Variants in ANTXR2 observed in about 807,000 individuals in gnomAD.
ANTXR2 encodes ANTXR cell adhesion molecule 2.
In ANTXR2, 44 loss-of-function variants were observed where a neutral mutation model predicts 73.7. The ratio of observed to expected loss-of-function variants is 0.60; its 90% CI spans 0.47 to 0.77. The LOEUF (loss-of-function observed/expected upper bound fraction) is 0.77. Among genes scored for constraint, ANTXR2 ranks in the 30% least tolerant of loss-of-function variants. The probability of loss-of-function intolerance (pLI) is 0.00; values close to 1 mark genes in which losing one functional copy is unlikely to be tolerated. For missense variants in ANTXR2, 604 were observed against 592.5 expected (o/e 1.02, Z -0.20); for synonymous variants, 217 against 205.9 (o/e 1.05, Z -0.46).
chr4:79,967,109 A>G lies in ANTXR2; in HGVS notation c.1428+10512T>C, dbSNP rs1729402633. Among the ~76,000 whole-genome samples the G allele has an allele frequency of 2.8e-5, 2 of 70,608 alleles. 1 individual carries two copies. Among genetic ancestry groups the G allele is most frequent in the Non-Finnish European group, 6.7e-5 (2 of 29,646 alleles). The allele number at this position is 70,608 out of a possible 152,430, so 46.3% of individuals were successfully genotyped here. ...GGGCGAGGAATTGCCTCACCTGGGA[A>G]GCGCAAGGGGTCAGGGAGTTCCCTT... is the stretch of plus-strand genomic sequence containing the variant. On this transcript the variant is annotated intron_variant, in intron 16 of 16. Coordinates refer to ENST00000403729, the MANE Select transcript of ANTXR2 (RefSeq NM_058172.6).
chr4:80,072,701 G>A lies in ANTXR2; in HGVS notation c.-141C>T, dbSNP rs1734871496. The stretch of plus-strand genomic sequence containing the variant: ...TGAGACGCCGGCGCCTGCGGCAGCG[G>A]GACCCACCAGCTGACAGGGAGGGAG... On this transcript the variant is annotated 5_prime_UTR_variant, in exon 1 of 17. Coordinates refer to ENST00000403729, the MANE Select transcript of ANTXR2 (RefSeq NM_058172.6). 2 of 1,344,194 alleles carry A rather than the reference G, an allele frequency of 1.5e-6. No individual in the cohort carries two copies. The highest frequency in any genetic ancestry group is 1.9e-6 in the Non-Finnish European group (2 of 1,052,776). The allele number at this position is 1,344,194 out of a possible 1,614,324, so 83.3% of individuals were successfully genotyped here.
At chr4:79,955,388 AT>A (rs1172843152) in intron 16 of ANTXR2, among the ~76,000 whole-genome samples, 9 of 152,068 alleles carry the variant, frequency 5.9e-5, no homozygotes, top group Non-Finnish European at 1.0e-4. Flanking sequence ...AATATATGCC[AT>A]TTTTTTAGTC....
Position 80,049,630 on chromosome 4 carries a change from T to A in ANTXR2, c.636+4642A>T, listed in dbSNP as rs532829770. Among the ~76,000 whole-genome samples, 8 of 151,822 alleles carry A rather than the reference T, an allele frequency of 5.3e-5. No individual in the cohort carries two copies. The South Asian group carries it at 1.7e-3, about 31-fold the overall frequency. The stretch of plus-strand genomic sequence containing the variant: ...CAAATCAACTTCCCCCTCTGCCCTA[T>A]GCCTTCTTCCATTTTGTACAATAAC... On this transcript the variant is annotated intron_variant, in intron 7 of 16. Transcript: ENST00000403729.
chr4:79,989,531 A>G (rs1021188054), intron 12 of ANTXR2, among the ~76,000 whole-genome samples: 3 of 152,130 alleles, frequency 2.0e-5, no homozygotes, highest in Non-Finnish European at 4.4e-5. Context: ...AGACAGATTC[A>G]TGGCTGAATT....
chr4:79,965,648 AAAATT>A (rs1206475025), intron 16 of ANTXR2, among the ~76,000 whole-genome samples: 1 of 152,208 alleles, frequency 6.6e-6, no homozygotes, highest in African/African-American at 2.4e-5. Flanking sequence ...ACAGGAAAAT[AAAATT>A]ATTTGCAAGA....
chr4:79,952,876 G>T (rs1014953363), intron 16 of ANTXR2, among the ~76,000 whole-genome samples: 1 of 151,620 alleles, frequency 6.6e-6, no homozygotes, highest in Admixed American at 6.6e-5. Context: ...TGATGCCCTA[G>T]GAATAAAGGA....
At chr4:80,002,420 T>C (rs1270004749) in intron 12 of ANTXR2, among the ~76,000 whole-genome samples, 1 of 152,066 alleles carries the variant, frequency 6.6e-6, no homozygotes, top group Non-Finnish European at 1.5e-5. Context: ...CAAGATGAAA[T>C]AAAGACTTAA....
chr4:80,005,299 T>G (rs1364506053), intron 12 of ANTXR2, among the ~76,000 whole-genome samples: 1 of 152,124 alleles, frequency 6.6e-6, no homozygotes, highest in East Asian at 1.9e-4. Flanking sequence ...AGATTAGATT[T>G]AAATATTTGC....
At chr4:80,047,330 G>A (rs113101638) in intron 7 of ANTXR2, among the ~76,000 whole-genome samples, 15 of 151,810 alleles carry the variant, frequency 9.9e-5, no homozygotes, top group African/African-American at 3.6e-4. Context: ...AACTTTCTAT[G>A]TTTATTATCA....
chr4:79,910,232 C>T (rs546066507), intron 16 of ANTXR2, among the ~76,000 whole-genome samples: 28 of 152,036 alleles, frequency 1.8e-4, no homozygotes, highest in Non-Finnish European at 2.9e-4. Flanking sequence ...TATTGTTGGC[C>T]GGGTGTGGTG....
chr4:80,051,463 A>AT (rs1181171169), intron 7 of ANTXR2, among the ~76,000 whole-genome samples: 10 of 151,746 alleles, frequency 6.6e-5, no homozygotes, highest in Non-Finnish European at 1.2e-4. Context: ...GAGGAAAAAA[A>AT]GGAGAAAAAG....
At position 80,028,697 on chromosome 4, in the gene ANTXR2, AC is replaced by A; in HGVS notation, c.866+2925del. On this transcript the variant is annotated intron_variant, in intron 10 of 16. Transcript: ENST00000403729. Reference sequence around the variant, plus strand: ...TATCTGAAACATAGACTAACTAGCTACTTAATGGGTTTGAATCCTTAGCCAA... The same window carrying A: ...TATCTGAAACATAGACTAACTAGCTATTAATGGGTTTGAATCCTTAGCCAA... Among the ~76,000 whole-genome samples the A allele has an allele frequency of 1.3e-5, 2 of 152,180 alleles. 1 individual carries two copies. The highest frequency in any genetic ancestry group is 4.1e-4 in the South Asian group (2 of 4,836).
chr4:80,066,011 C>T (rs896328932), intron 3 of ANTXR2, among the ~76,000 whole-genome samples: 7 of 152,106 alleles, frequency 4.6e-5, no homozygotes, highest in African/African-American at 1.7e-4. Context: ...CATTTGTTTA[C>T]TGATCTGCAT....
At chr4:80,064,183 T>G (rs1187314128) in intron 3 of ANTXR2, among the ~76,000 whole-genome samples, 2 of 152,222 alleles carry the variant, frequency 1.3e-5, no homozygotes, top group African/African-American at 4.8e-5. Flanking sequence ...CGGAAGATTT[T>G]TTTCCCCAAG....
intron 16 of ANTXR2, among the ~76,000 whole-genome samples, chr4:79,922,369 A>G (rs1727625109): frequency 6.6e-6 from 1 of 152,088 alleles, no homozygotes; most frequent in Admixed American, 6.6e-5. Flanking sequence ...ACACACATCA[A>G]TTTTGTCCTT....
chr4:80,039,187 C>T (rs1279907096), intron 7 of ANTXR2, among the ~76,000 whole-genome samples: 1 of 152,002 alleles, frequency 6.6e-6, no homozygotes, highest in Non-Finnish European at 1.5e-5. Flanking sequence ...TAATTTGAAA[C>T]AAACTTCACC....
At chr4:79,915,833 T>C (rs1421341809) in intron 16 of ANTXR2, among the ~76,000 whole-genome samples, 5 of 54,490 alleles carry the variant, frequency 9.2e-5, no homozygotes, top group African/African-American at 4.0e-4. Flanking sequence ...TCTCTCCCTC[T>C]CTCTCTCTCT....
chr4:79,999,146 T>C (rs759559506), intron 12 of ANTXR2, among the ~76,000 whole-genome samples: 2 of 152,110 alleles, frequency 1.3e-5, no homozygotes, highest in Middle Eastern at 3.4e-3. Flanking sequence ...TTTTATTATA[T>C]GCCCCTTGAT....
intron 14 of ANTXR2, among the ~76,000 whole-genome samples, chr4:79,981,669 T>C (rs1203539927): frequency 6.6e-6 from 1 of 152,172 alleles, no homozygotes; most frequent in African/African-American, 2.4e-5. Flanking sequence ...ACACTTTTAG[T>C]TCCAATCATT....
Sources: gnomAD v4.1 joint callset for allele counts (sites outside exome capture counted in the v4.1 genomes callset) on GRCh38, gnomAD v4.1.1 for gene constraint, MANE v1.5 for transcripts, NCBI Gene and HGNC (gene_info 2026-07-23, HGNC 2026-07-21) for gene names.